Variants in SCFD2 observed in about 807,000 individuals in gnomAD.
SCFD2 encodes the protein sec1 family domain containing 2, also known as sec1 family domain-containing protein 2.
In SCFD2, 54 loss-of-function variants were observed where a neutral mutation model predicts 58.9. The observed-to-expected ratio is 0.92, with a 90% CI of 0.74 to 1.15. The LOEUF is 1.15. Among genes scored for constraint, SCFD2 ranks in the 50% most tolerant of loss-of-function variants. The pLI is 0.00. For synonymous variants in SCFD2, 321 were observed against 335.9 expected, an observed-to-expected ratio of 0.96 and a Z score of 0.49; for missense variants, 805 against 836.6, an observed-to-expected ratio of 0.96 and a Z score of 0.47.
At position 53,248,256 on chromosome 4, in the gene SCFD2, C is replaced by G. The variant is rs550100787; in HGVS notation, c.1311+25570G>C. 3.9e-5 allele frequency among the ~76,000 whole-genome samples: 6 copies of G among 152,336 alleles called. No homozygotes were observed. The South Asian group carries it at 8.3e-4, about 21-fold the overall frequency. On this transcript the variant is annotated intron_variant, in intron 4 of 8. Coordinates refer to ENST00000401642, the MANE Select transcript of SCFD2 (RefSeq NM_152540.4). ...CGCACCAGGAAATTATATCCCGCACCTGGCTTGGAGGGTCCTACACCCACT... is the reference window on the plus strand; with the variant it reads ...CGCACCAGGAAATTATATCCCGCACGTGGCTTGGAGGGTCCTACACCCACT...
At chr4:53,168,975 A>G (rs1313445792) in intron 4 of SCFD2, among the ~76,000 whole-genome samples, 1 of 152,250 alleles carries the variant, frequency 6.6e-6, no homozygotes, top group African/African-American at 2.4e-5. Flanking sequence ...GATTCCACAT[A>G]TAAGTGAGAT....
At chr4:53,341,689 G>C (rs1355872124) in intron 2 of SCFD2, among the ~76,000 whole-genome samples, 1 of 152,182 alleles carries the variant, frequency 6.6e-6, no homozygotes, top group African/African-American at 2.4e-5. Flanking sequence ...AGGAAAAAAT[G>C]TTCAGGGCCA....
At chr4:53,082,881 A>G (rs754580966) in intron 5 of SCFD2, among the ~76,000 whole-genome samples, 1 of 152,174 alleles carries the variant, frequency 6.6e-6, no homozygotes, top group Non-Finnish European at 1.5e-5. Context: ...TTATACCACT[A>G]GCTTTCATGG....
chr4:52,948,346 T>A (rs1577851772), intron 5 of SCFD2: 2 of 290,336 alleles, frequency 6.9e-6, no homozygotes, highest in Admixed American at 4.2e-5. Context: ...GAAGTAATGA[T>A]GATGCAGCTG....
chr4:53,333,238 G>GA (rs1229176467), intron 2 of SCFD2, among the ~76,000 whole-genome samples: 1 of 146,804 alleles, frequency 6.8e-6, no homozygotes, highest in Admixed American at 6.9e-5. Flanking sequence ...CACAGAATTG[G>GA]AAAAAACTAC....
chr4:53,207,493 T>TATATACACACACA (rs1491426799), intron 4 of SCFD2, among the ~76,000 whole-genome samples: 523 of 12,836 alleles, frequency 0.041, 75 homozygotes, highest in African/African-American at 0.11. Flanking sequence ...TATATATATT[T>TATATACACACACA]CATATATATA....
intron 5 of SCFD2, among the ~76,000 whole-genome samples, chr4:53,051,540 C>T (rs2148832412): frequency 6.6e-6 from 1 of 152,284 alleles, no homozygotes. Context: ...GCTGCTTGAA[C>T]CATGCTATGC....
At chr4:52,875,152 C>T (rs62336797) in intron 8 of SCFD2, among the ~76,000 whole-genome samples, 1 of 152,298 alleles carries the variant, frequency 6.6e-6, no homozygotes, top group Admixed American at 6.5e-5. Flanking sequence ...GGCCCCAGTG[C>T]CCCCGTGCCT....
At chr4:53,019,002 G>C (rs1462225509) in intron 5 of SCFD2, among the ~76,000 whole-genome samples, 1 of 152,134 alleles carries the variant, frequency 6.6e-6, no homozygotes, top group Non-Finnish European at 1.5e-5. Flanking sequence ...GAATGATTTT[G>C]GTCAGATGGG....
At chr4:53,243,252 G>T (rs1421791377) in intron 4 of SCFD2, among the ~76,000 whole-genome samples, 1 of 152,064 alleles carries the variant, frequency 6.6e-6, no homozygotes, top group Non-Finnish European at 1.5e-5. Flanking sequence ...ACCTATACAG[G>T]GAAGCCCATC....
rs558920383 is a variant in SCFD2, at chr4:52,954,974, C to A, written c.1562-34104G>T. ...ATCCACAAAAGAGAACCTCCACCCACCCCTCCTGCTCCTGACGTCAAGCCG... is the reference window on the plus strand; with the variant it reads ...ATCCACAAAAGAGAACCTCCACCCAACCCTCCTGCTCCTGACGTCAAGCCG... On this transcript the variant is annotated intron_variant, in intron 5 of 8. Coordinates refer to ENST00000401642, the MANE Select transcript of SCFD2 (RefSeq NM_152540.4). Among the ~76,000 whole-genome samples the A allele has an allele frequency of 3.3e-5, 5 of 152,330 alleles. No homozygotes were observed. In the South Asian group the frequency reaches 1.0e-3, roughly 32 times the overall value.
chr4:53,251,760 A>C (rs1241677247), intron 4 of SCFD2, among the ~76,000 whole-genome samples: 3 of 151,932 alleles, frequency 2.0e-5, no homozygotes, highest in Admixed American at 2.0e-4. Flanking sequence ...ATCTATGACA[A>C]ACCCACAGCC....
intron 5 of SCFD2, among the ~76,000 whole-genome samples, chr4:53,099,237 T>C (rs1439977692): frequency 6.6e-6 from 1 of 152,156 alleles, no homozygotes; most frequent in Non-Finnish European, 1.5e-5. Flanking sequence ...AGGATGTCTA[T>C]AAGACTACTT....
chr4:52,910,452 A>T lies in SCFD2; in HGVS notation c.1708-2861T>A, dbSNP rs140418488. 3.3e-4 allele frequency among the ~76,000 whole-genome samples: 51 copies of T among 152,332 alleles called. 1 individual carries two copies. The highest frequency in any genetic ancestry group is 1.2e-3 in the African/African-American group (49 of 41,564). ...TTTACATGTCACTATAAAACCTTGT[A>T]TGTTTAAGCCACTGTTTTTCAGATC... On this transcript the variant is annotated intron_variant, in intron 6 of 8. Transcript: ENST00000401642.
intron 4 of SCFD2, among the ~76,000 whole-genome samples, chr4:53,257,788 G>T (rs570785916): frequency 1.4e-3 from 205 of 147,568 alleles, no homozygotes; most frequent in Non-Finnish European, 2.0e-3. Context: ...TGATATCATA[G>T]TTTTTTTTAG....
intron 3 of SCFD2, among the ~76,000 whole-genome samples, chr4:53,276,353 C>T (rs569017738): frequency 3.3e-5 from 5 of 152,034 alleles, no homozygotes; most frequent in South Asian, 4.1e-4. Flanking sequence ...TACTCAGCAA[C>T]ATCAAACAAG....
intron 4 of SCFD2, among the ~76,000 whole-genome samples, chr4:53,203,874 G>T (rs1027333677): frequency 1.3e-5 from 2 of 152,124 alleles, no homozygotes; most frequent in Non-Finnish European, 2.9e-5. Context: ...TCAGCAGGAG[G>T]TTTCGTATCT....
intron 5 of SCFD2, among the ~76,000 whole-genome samples, chr4:52,923,410 G>A (rs1719787992): frequency 6.6e-6 from 1 of 151,928 alleles, no homozygotes; most frequent in South Asian, 2.1e-4. Context: ...CCCGGGAGTT[G>A]GAGGTTGCAG....
chr4:53,364,730 CCA>C (rs1459765745), intron 1 of SCFD2, among the ~76,000 whole-genome samples: 1 of 99,786 alleles, frequency 1.0e-5, no homozygotes, highest in Non-Finnish European at 2.7e-5. Context: ...CTCCAACAAA[CCA>C]GAGTCTTCTT....
Sources: gnomAD v4.1 joint callset for allele counts (sites outside exome capture counted in the v4.1 genomes callset) on GRCh38, gnomAD v4.1.1 for gene constraint, MANE v1.5 for transcripts, NCBI Gene and HGNC (gene_info 2026-07-23, HGNC 2026-07-21) for gene names.